The following PCDH11X variants were observed in gnomAD, a reference collection of about 807,000 sequenced individuals.
PCDH11X encodes the protein protocadherin-11 X-linked.
A neutral mutation model predicts 53.3 loss-of-function variants in PCDH11X; 18 were observed. The observed-to-expected ratio is 0.34, with a 90% CI of 0.23 to 0.50. PCDH11X has a LOEUF of 0.50. PCDH11X is among the 20% of genes least tolerant of loss of function. PCDH11X has a pLI of 0.98. For synonymous variants in PCDH11X, 279 were observed against 393.3 expected (o/e 0.71, Z 3.44); for missense variants, 570 against 1,032.4 (o/e 0.55, Z 6.14).
intron 7 of PCDH11X, among the ~76,000 whole-genome samples, chrX:92,222,334 A>C (rs2066897041): frequency 8.9e-6 from 1 of 111,775 alleles, no homozygotes; most frequent in Non-Finnish European, 1.9e-5. Context: ...TAGTGCCCAA[A>C]TGTAAAAGAA....
intron 9 of PCDH11X, among the ~76,000 whole-genome samples, chrX:92,422,774 A>C (rs1158909873): frequency 2.7e-5 from 3 of 111,397 alleles, no homozygotes; most frequent in Non-Finnish European, 5.7e-5. Flanking sequence ...ACTCCCACCA[A>C]CCATGTAAAA....
intron 8 of PCDH11X, among the ~76,000 whole-genome samples, chrX:92,283,850 G>C (rs761542061): frequency 1.1e-3 from 123 of 111,607 alleles, no homozygotes; most frequent in Middle Eastern, 9.1e-3. Context: ...AGTGTGGAAT[G>C]AAGGTAGACA....
At chrX:92,181,019 T>C (rs1487543045) in intron 6 of PCDH11X, among the ~76,000 whole-genome samples, 1 of 110,296 alleles carries the variant, frequency 9.1e-6, no homozygotes, top group Non-Finnish European at 1.9e-5. Flanking sequence ...CAGGCAGAGG[T>C]TGGAAGAGTT....
At position 92,547,775 on chromosome X, in the gene PCDH11X, G is replaced by A. The variant is rs182735822; in HGVS notation, c.3368-70489G>A. ...AGATTGAGTCTTGCTCTGTTGCCCA[G>A]GCTGGAGTGCAGTGGCTGGATCTCG... On this transcript the variant is annotated intron_variant, in intron 10 of 10. Transcript: ENST00000682573. Among the ~76,000 whole-genome samples the A allele has an allele frequency of 3.7e-3, 397 of 108,369 alleles. 1 individual carries two copies. Among genetic ancestry groups the A allele is most frequent in the African/African-American group, 0.013 (379 of 29,843 alleles). The allele number at this position is 108,369 out of a possible 115,157, so 94.1% of individuals were successfully genotyped here. A position where few individuals can be genotyped will look rare whatever the true frequency, so the allele number is the denominator to read the frequency against.
intron 1 of PCDH11X, among the ~76,000 whole-genome samples, chrX:91,795,774 A>G (rs1454529072): frequency 8.9e-6 from 1 of 111,800 alleles, no homozygotes; most frequent in Non-Finnish European, 1.9e-5. Context: ...TTTGTTTTGC[A>G]GAAATACTGT....
At position 91,821,148 on chromosome X, in the gene PCDH11X, C is replaced by A. The variant is rs866906532; in HGVS notation, c.-45+9853C>A. Among the ~76,000 whole-genome samples the A allele has an allele frequency of 2.7e-4, 29 of 106,899 alleles. No homozygotes were observed. In the East Asian group the frequency reaches 8.0e-3, roughly 29 times the overall value. 92.8% of individuals were successfully genotyped at this position (106,899 alleles called of 115,157 possible). A position where few individuals can be genotyped will look rare whatever the true frequency, so the allele number is the denominator to read the frequency against. On this transcript the variant is annotated intron_variant, in intron 4 of 10. Transcript: ENST00000682573. ...TTCTTTTGGCTTAGGATTGACTTGG[C>A]GATGCGGGCTCTTTTTTGGTTCCAT... is the stretch of plus-strand genomic sequence containing the variant.
chrX:92,505,163 TTTTG>T (rs1232539734), intron 10 of PCDH11X, among the ~76,000 whole-genome samples: 1 of 55,498 alleles, frequency 1.8e-5, no homozygotes, highest in African/African-American at 4.9e-5. Flanking sequence ...TTTTTTTTTT[TTTTG>T]TTTTTTTTTG....
At chrX:92,166,854 T>C (rs2065740959) in intron 6 of PCDH11X, among the ~76,000 whole-genome samples, 1 of 111,478 alleles carries the variant, frequency 9.0e-6, no homozygotes, top group Non-Finnish European at 1.9e-5. Flanking sequence ...GCTATCACAA[T>C]GCCACTCCAC....
In PCDH11X at chrX:91,830,794, T is replaced by C. The variant is rs1212662637; in HGVS notation, c.-44-4667T>C. ...AGGATAATGGGCAGCAGATAGATAT[T>C]TCTTATCTTCATGTAATACTTAAAT... On this transcript the variant is annotated intron_variant, in intron 4 of 10. Coordinates refer to ENST00000682573, the MANE Select transcript of PCDH11X (RefSeq NM_032968.5). Among the ~76,000 whole-genome samples the C allele has an allele frequency of 2.7e-5, 3 of 111,291 alleles. No homozygotes were observed. The East Asian group carries it at 8.5e-4, about 32-fold the overall frequency.
chrX:92,238,291 G>A (rs916411829), intron 7 of PCDH11X, among the ~76,000 whole-genome samples: 1 of 111,758 alleles, frequency 8.9e-6, no homozygotes, highest in Non-Finnish European at 1.9e-5. Context: ...TGTGTGTACT[G>A]TGAATAGTTT....
intron 8 of PCDH11X, among the ~76,000 whole-genome samples, chrX:92,331,341 C>CTTCTTCTT (rs1329567733): frequency 8.4e-5 from 3 of 35,862 alleles, no homozygotes; most frequent in South Asian, 4.6e-3. Flanking sequence ...TTCCTTCCTT[C>CTTCTTCTT]CTTTTCCCCC....
chrX:92,384,107 C>A (rs2522780), intron 8 of PCDH11X, among the ~76,000 whole-genome samples: 45,402 of 110,758 alleles, frequency 0.41, 7,150 homozygotes, highest in Non-Finnish European at 0.49. Flanking sequence ...TGTTTGCTGG[C>A]CGCATAAATG....
chrX:92,078,567 CTGTT>C (rs1299279172), intron 6 of PCDH11X, among the ~76,000 whole-genome samples: 1 of 111,031 alleles, frequency 9.0e-6, no homozygotes, highest in Non-Finnish European at 1.9e-5. Context: ...AGCAGCAACA[CTGTT>C]TGTATAGCAT....
chrX:92,300,712 C>T (rs1284091481), intron 8 of PCDH11X, among the ~76,000 whole-genome samples: 5 of 111,777 alleles, frequency 4.5e-5, no homozygotes, highest in African/African-American at 9.8e-5. Flanking sequence ...CTCCTAACAT[C>T]GTGATCCACC....
chrX:92,401,390 T>C (rs760837582), intron 9 of PCDH11X, among the ~76,000 whole-genome samples: 1 of 111,422 alleles, frequency 9.0e-6, no homozygotes, highest in South Asian at 3.7e-4. Context: ...AAGTAAAACA[T>C]TTTTAATATT....
intron 10 of PCDH11X, among the ~76,000 whole-genome samples, chrX:92,564,743 G>A (rs1466835804): frequency 9.0e-6 from 1 of 111,308 alleles, no homozygotes; most frequent in East Asian, 2.8e-4. Context: ...ACAAGCACAG[G>A]CAACCAAAGC....
intron 10 of PCDH11X, among the ~76,000 whole-genome samples, chrX:92,574,263 C>T (rs1261803931): frequency 5.6e-5 from 5 of 88,761 alleles, no homozygotes; most frequent in Non-Finnish European, 8.9e-5. Context: ...AAAGTTTCAG[C>T]GAAATTAGTG....
At chrX:92,305,503 A>G (rs2068807502) in intron 8 of PCDH11X, among the ~76,000 whole-genome samples, 1 of 110,260 alleles carries the variant, frequency 9.1e-6, no homozygotes, top group Non-Finnish European at 1.9e-5. Context: ...TCCTCTTCTT[A>G]TAAAGACACC....
At chrX:91,848,365 T>G (rs140646359) in intron 5 of PCDH11X, among the ~76,000 whole-genome samples, 1,188 of 110,661 alleles carry the variant, frequency 0.011, 17 homozygotes, top group African/African-American at 0.034. Context: ...TATGACTGTA[T>G]CTCCATGGAC....
Sources: allele counts gnomAD v4.1 joint callset (sites outside exome capture counted in the v4.1 genomes callset), GRCh38; gene constraint gnomAD v4.1.1; transcripts MANE v1.5; gene names NCBI Gene and HGNC (gene_info 2026-07-23, HGNC 2026-07-21).